Variants in SEMA4F observed in about 807,000 individuals in gnomAD.
SEMA4F encodes ssemaphorin 4F.
Under a neutral mutation model 78.4 loss-of-function variants are expected in SEMA4F, and 51 were observed. The observed-to-expected ratio is 0.65, with a 90% CI of 0.52 to 0.82. SEMA4F has a LOEUF of 0.82. Ranked by LOEUF, SEMA4F falls within the 40% of genes least tolerant of loss-of-function variation. The pLI is 0.00. For missense variants in SEMA4F, 938 were observed against 1,014.4 expected (o/e 0.92, Z 1.02); for synonymous variants, 418 against 408.7 (o/e 1.02, Z -0.27).
chr2:74,674,174 T>G (rs1017099638), intron 7 of SEMA4F, among the ~76,000 whole-genome samples: 3 of 152,192 alleles, frequency 2.0e-5, no homozygotes, highest in African/African-American at 7.2e-5. Flanking sequence ...TTGAAACTTG[T>G]CTATAAAAAG....
rs575372755 is a variant in SEMA4F at position 74,666,874 on chromosome 2, G to A, written c.550+4049G>A. On this transcript the variant is annotated intron_variant, in intron 5 of 13. Transcript: ENST00000357877. ...ATAATAGGAGTATTTACTTAAAATT[G>A]TAAAAATTACAATGTGCATTGTAGA... is the stretch of plus-strand genomic sequence containing the variant. 3.9e-5 allele frequency among the ~76,000 whole-genome samples: 6 copies of A among 152,202 alleles called. No homozygotes were observed. In the South Asian group the frequency reaches 1.2e-3, roughly 32 times the overall value.
the SEMA4F span, among the ~76,000 whole-genome samples, chr2:74,694,271 C>T: frequency 6.6e-6 from 1 of 152,016 alleles, no homozygotes; most frequent in Admixed American, 6.6e-5. Flanking sequence ...TTAGATTTTC[C>T]AGCACATGAT....
At chr2:74,674,241 A>G (rs918808464) in intron 7 of SEMA4F, among the ~76,000 whole-genome samples, 1 of 152,180 alleles carries the variant, frequency 6.6e-6, no homozygotes, top group African/African-American at 2.4e-5. Context: ...GAGGTAACTT[A>G]CGTAAAACAC....
intron 4 of SEMA4F, among the ~76,000 whole-genome samples, chr2:74,661,977 T>G (rs529496962): frequency 1.3e-5 from 2 of 152,346 alleles, no homozygotes; most frequent in African/African-American, 4.8e-5. Flanking sequence ...GATGTTATCT[T>G]GAAGCCTCTC....
At chr2:74,694,929 C>T in the SEMA4F span, among the ~76,000 whole-genome samples, 1 of 152,152 alleles carries the variant, frequency 6.6e-6, no homozygotes. Context: ...CCACTCGCCT[C>T]CTAAAGGACA....
the SEMA4F span, among the ~76,000 whole-genome samples, chr2:74,692,574 C>G: frequency 6.6e-6 from 1 of 152,188 alleles, no homozygotes; most frequent in East Asian, 1.9e-4. Context: ...AAGGAGGAGC[C>G]CTCTTCACTC....
intron 5 of SEMA4F, among the ~76,000 whole-genome samples, chr2:74,666,721 A>G (rs1057099210): frequency 1.3e-5 from 2 of 152,236 alleles, no homozygotes; most frequent in African/African-American, 4.8e-5. Context: ...AGCAGTATAG[A>G]AATAGTGGTA....
intron 4 of SEMA4F, 101 bp from the exon 5 acceptor site, chr2:74,662,631 G>T: frequency 1.1e-6 from 1 of 930,164 alleles, no homozygotes; most frequent in Non-Finnish European, 1.8e-6. Context: ...GAAGGGGAGA[G>T]GAATGGGAAT....
rs1293403786 is a variant in SEMA4F at position 74,657,897 on chromosome 2, C to T, written c.402C>T (p.Ala134=). Residue 134 remains alanine, a synonymous_variant, in exon 4 of 14, where the codon GCC becomes GCT. Coordinates refer to ENST00000357877, the MANE Select transcript of SEMA4F (RefSeq NM_004263.5). ...NFVQILAIAN[A]SHLLTCGTFA... Reference sequence around the variant, plus strand: ...TCCAGATTCTCGCCATTGCCAATGCCTCTCACCTCCTCACTTGTGGCACCT... The same window carrying T: ...TCCAGATTCTCGCCATTGCCAATGCTTCTCACCTCCTCACTTGTGGCACCT... The T allele has an allele frequency of 6.2e-7, 1 of 1,614,264 alleles. No individual in the cohort carries two copies. Among genetic ancestry groups the T allele is most frequent in the South Asian group, 1.1e-5 (1 of 91,086 alleles).
At chr2:74,674,177 A>G (rs910506208) in intron 7 of SEMA4F, among the ~76,000 whole-genome samples, 17 of 152,218 alleles carry the variant, frequency 1.1e-4, no homozygotes, top group African/African-American at 3.6e-4. Flanking sequence ...AAACTTGTCT[A>G]TAAAAAGAGG....
rs201463693 is a variant in SEMA4F at position 74,658,841 on chromosome 2, CT to C, written c.456+896del. On this transcript the variant is annotated intron_variant, in intron 4 of 13. Coordinates refer to ENST00000357877, the MANE Select transcript of SEMA4F (RefSeq NM_004263.5). The surrounding 1 kb of genome is among the most constrained non-coding windows in gnomAD (Gnocchi z 4.3). ...CAATAGGAGGGAGTATAACTGCTCC[CT>C]TTTTTGACCTCATCCTTAACTGTAG... 4.5e-3 allele frequency among the ~76,000 whole-genome samples: 683 copies of C among 152,302 alleles called. 6 individuals are homozygous for C. Among genetic ancestry groups the C allele is most frequent in the African/African-American group, 0.016 (655 of 41,554 alleles).
At position 74,680,468 on chromosome 2, in the gene SEMA4F, T is replaced by C. The variant is rs1685557067; in HGVS notation, c.*259T>C. 2.5e-6 allele frequency: 1 copy of C among 401,112 alleles called. No homozygotes were observed. Among genetic ancestry groups the C allele is most frequent in the East Asian group, 4.1e-5 (1 of 24,510 alleles). The allele number at this position is 401,112 out of a possible 1,614,324, so 24.8% of individuals were successfully genotyped here. A position where few individuals can be genotyped will look rare whatever the true frequency, so the allele number is the denominator to read the frequency against. On this transcript the variant is annotated 3_prime_UTR_variant, in exon 14 of 14. Coordinates refer to ENST00000357877, the MANE Select transcript of SEMA4F (RefSeq NM_004263.5). ...GGCTTCCCCCTAACATCTGAACTCCTGTAAACCTTCATCCCTGGCCCCCTA... is the reference window on the plus strand; with the variant it reads ...GGCTTCCCCCTAACATCTGAACTCCCGTAAACCTTCATCCCTGGCCCCCTA...
At chr2:74,668,294 C>A (rs1000959414) in intron 5 of SEMA4F, among the ~76,000 whole-genome samples, 1 of 152,166 alleles carries the variant, frequency 6.6e-6, no homozygotes. Context: ...TCCAGATGCA[C>A]TGCATGCTGC....
At chr2:74,659,438 G>A (rs1449503352) in intron 4 of SEMA4F, among the ~76,000 whole-genome samples, 2 of 152,184 alleles carry the variant, frequency 1.3e-5, no homozygotes, top group African/African-American at 4.8e-5. Context: ...ATACCTGTCA[G>A]GATTGGTGTG....
chr2:74,661,671 A>G (rs745633805), intron 4 of SEMA4F, among the ~76,000 whole-genome samples: 20 of 152,194 alleles, frequency 1.3e-4, no homozygotes, highest in Non-Finnish European at 2.4e-4. Context: ...TGGGGACTTC[A>G]AAAGTTTTAA....
the SEMA4F span, among the ~76,000 whole-genome samples, chr2:74,695,718 C>A: frequency 6.6e-6 from 1 of 152,096 alleles, no homozygotes; most frequent in Non-Finnish European, 1.5e-5. Flanking sequence ...CTGAATAAAG[C>A]CTAAGAGAGA....
rs749620551 is a variant in SEMA4F at position 74,680,943 on chromosome 2, C to T, written c.*734C>T. 2 of 152,630 alleles carry T rather than the reference C, an allele frequency of 1.3e-5. No homozygotes were observed. The highest frequency in any genetic ancestry group is 2.9e-5 in the Non-Finnish European group (2 of 68,200). The allele number at this position is 152,630 out of a possible 1,614,324, so 9.5% of individuals were successfully genotyped here. On this transcript the variant is annotated 3_prime_UTR_variant, in exon 14 of 14. Transcript: ENST00000357877. Reference sequence around the variant, plus strand: ...AACACTGCCCCTCTCCCCATTGCCCCACAACCTTACTCTAAATTTGAGTAG... The same window carrying T: ...AACACTGCCCCTCTCCCCATTGCCCTACAACCTTACTCTAAATTTGAGTAG...
In SEMA4F at chr2:74,680,618, G is replaced by T; in HGVS notation, c.*409G>T. The T allele has an allele frequency of 6.0e-6, 1 of 166,474 alleles. No homozygotes were observed. The highest frequency in any genetic ancestry group is 1.3e-5 in the Non-Finnish European group (1 of 77,204). The allele number at this position is 166,474 out of a possible 1,614,324, so 10.3% of individuals were successfully genotyped here. Reference sequence around the variant, plus strand: ...GGGGCAAATGTGCCCTGAGTCCTTGGGGTGGTTCTGCTTATTCTTCAAGTT... The same window carrying T: ...GGGGCAAATGTGCCCTGAGTCCTTGTGGTGGTTCTGCTTATTCTTCAAGTT... On this transcript the variant is annotated 3_prime_UTR_variant, in exon 14 of 14. Coordinates refer to ENST00000357877, the MANE Select transcript of SEMA4F (RefSeq NM_004263.5).
Position 74,679,822 on chromosome 2 carries a change from C to A in SEMA4F, c.1926C>A (p.Tyr642Ter). ...GGGCAGCCCATGTGGTAGCAGCTTA[C>A]AGCTTGGTATGGGGCAGCCAGCGAG... The part of the protein sequence containing the change: ...EGGAAHVVAA[Y>*]SLVWGSQRDA... The change falls in exon 14 of 14, where the codon TAC becomes TAA. Residue 642 changes from tyrosine (Y) to a stop codon, truncating the protein, a stop_gained. Transcript: ENST00000357877. LOFTEE classifies it high-confidence loss of function. 1 of 1,614,172 alleles carries A rather than the reference C, an allele frequency of 6.2e-7. No homozygotes were observed. Among genetic ancestry groups the A allele is most frequent in the Non-Finnish European group, 8.5e-7 (1 of 1,180,018 alleles).
Sources: gnomAD v4.1 joint callset for allele counts (sites outside exome capture counted in the v4.1 genomes callset) on GRCh38, gnomAD v4.1.1 for gene constraint, Gnocchi (gnomAD v3.1) non-coding constraint, MANE v1.5 for transcripts, NCBI Gene and HGNC (gene_info 2026-07-23, HGNC 2026-07-21) for gene names.